The following DTL variants were observed in gnomAD, a reference collection of about 807,000 sequenced individuals.
DTL encodes denticleless E3 ubiquitin protein ligase adapter, also known as denticleless protein homolog.
A neutral mutation model predicts 87.0 loss-of-function variants in DTL; 46 were observed. The observed-to-expected ratio is 0.53, with a 90% CI of 0.42 to 0.68. The LOEUF is 0.68. Ranked by LOEUF, DTL falls within the 30% of genes least tolerant of loss-of-function variation. The pLI, the probability that DTL is intolerant of heterozygous loss-of-function variation, is 0.00. For synonymous variants in DTL, 308 were observed against 311.2 expected (o/e 0.99, Z 0.11); for missense variants, 737 against 869.4 (o/e 0.85, Z 1.91).
intron 3 of DTL, among the ~76,000 whole-genome samples, chr1:212,045,589 AAC>A (rs1218181072): frequency 3.3e-5 from 5 of 152,360 alleles, no homozygotes; most frequent in East Asian, 3.9e-4. Context: ...GTAGAAAGAA[AAC>A]ACACTGGTGT....
intron 5 of DTL, among the ~76,000 whole-genome samples, chr1:212,057,277 C>A (rs2102542291): frequency 6.6e-6 from 1 of 151,602 alleles, no homozygotes; most frequent in Non-Finnish European, 1.5e-5. Context: ...ATAAAAGAAA[C>A]CCCATCAGAC....
chr1:212,099,134 A>C (rs1416108622), intron 13 of DTL, among the ~76,000 whole-genome samples: 1 of 152,142 alleles, frequency 6.6e-6, no homozygotes, highest in Non-Finnish European at 1.5e-5. Context: ...TTGGCTCTCT[A>C]AATTCATTTC....
chr1:212,078,217 T>C lies in DTL; in HGVS notation c.1080T>C (p.Ser360=), dbSNP rs776120052. The C allele has an allele frequency of 2.5e-6, 4 of 1,612,906 alleles. No homozygotes were observed. The highest frequency in any genetic ancestry group is 4.5e-5 in the East Asian group (2 of 44,878). ...CTCCTACTGTGCTCCTGGGTCATTC[T>C]CAAGAGGTCACGTCTGTGTGCTGGT... ...WQPPTVLLGH[S]QEVTSVCWCP... The change falls in exon 12 of 15, where the codon TCT becomes TCC. Residue 360 remains serine (S), a synonymous_variant. Transcript: ENST00000366991.
intron 5 of DTL, among the ~76,000 whole-genome samples, chr1:212,048,888 G>T (rs1477431063): frequency 7.0e-6 from 1 of 143,462 alleles, no homozygotes; most frequent in Non-Finnish European, 1.5e-5. Flanking sequence ...AGGTTAAGCT[G>T]GTTTGGACTG....
intron 13 of DTL, among the ~76,000 whole-genome samples, chr1:212,087,781 A>T (rs1050867400): frequency 1.3e-5 from 2 of 152,108 alleles, no homozygotes; most frequent in Non-Finnish European, 2.9e-5. Context: ...CTTGAAAATC[A>T]TGTTCCCCTG....
chr1:212,089,985 G>A (rs998745911), intron 13 of DTL, among the ~76,000 whole-genome samples: 1 of 152,178 alleles, frequency 6.6e-6, no homozygotes, highest in Non-Finnish European at 1.5e-5. Context: ...CAGCTGTGCA[G>A]TGACTATTAA....
chr1:212,098,905 A>G lies in DTL; in HGVS notation c.1262-1347A>G, dbSNP rs367934974. ...TTCTGTGCTCATATCTGCACTTCCTATTTGTCCCATCCCCCTGCAGATTCT... is the reference window on the plus strand; with the variant it reads ...TTCTGTGCTCATATCTGCACTTCCTGTTTGTCCCATCCCCCTGCAGATTCT... On this transcript the variant is annotated intron_variant, in intron 13 of 14. Transcript: ENST00000366991. Among the ~76,000 whole-genome samples, 52 of 151,844 alleles carry G rather than the reference A, an allele frequency of 3.4e-4. 1 individual carries two copies. Among genetic ancestry groups the G allele is most frequent in the East Asian group, 1.2e-3 (6 of 5,156 alleles).
chr1:212,074,150 A>G (rs1274428904), intron 11 of DTL, among the ~76,000 whole-genome samples: 1 of 151,766 alleles, frequency 6.6e-6, no homozygotes, highest in Non-Finnish European at 1.5e-5. Flanking sequence ...AGTTTTAATT[A>G]TATGTACATA....
Position 212,103,097 on chromosome 1 carries a change from T to C in DTL, c.*157T>C, listed in dbSNP as rs1655672155. The C allele has an allele frequency of 2.0e-6, 1 of 504,990 alleles. No individual in the cohort carries two copies. The highest frequency in any genetic ancestry group is 2.0e-5 in the African/African-American group (1 of 50,410). 31.3% of individuals were successfully genotyped at this position (504,990 alleles called of 1,614,324 possible). ...AGACAAAATCTTTTCAACGCTGAAA[T>C]GTACCTAATCTGGTTCTACTACCAT... On this transcript the variant is annotated 3_prime_UTR_variant, in exon 15 of 15. Coordinates refer to ENST00000366991, the MANE Select transcript of DTL (RefSeq NM_016448.4).
chr1:212,080,875 C>A, intron 13 of DTL, 125 bp downstream of exon 13: 1 of 1,013,034 alleles, frequency 9.9e-7, no homozygotes, highest in Non-Finnish European at 1.4e-6. Context: ...ATCTTCTTGC[C>A]ATTCATTCTT....
chr1:212,052,090 C>A, intron 5 of DTL: 1 of 768,808 alleles, frequency 1.3e-6, no homozygotes, highest in East Asian at 2.6e-5. Context: ...TTTTTCCTTT[C>A]ATTGCTAAAG....
chr1:212,043,776 G>A (rs1228846355), intron 2 of DTL, among the ~76,000 whole-genome samples: 2 of 148,400 alleles, frequency 1.3e-5, no homozygotes, highest in African/African-American at 2.5e-5. Context: ...GTTGCAGTGA[G>A]CCAAGATCGT....
chr1:212,051,646 C>T (rs1266688341), intron 5 of DTL: 12 of 825,462 alleles, frequency 1.5e-5, no homozygotes, highest in Non-Finnish European at 2.4e-5. Flanking sequence ...GTACCTTTCT[C>T]TTTGGCTTCT....
Position 212,078,256 on chromosome 1 carries a change from C to A in DTL, c.1119C>A (p.Phe373Leu). ...VTSVCWCPSD[F>L]TKIATCSDDN... ...CTGTGTGCTGGTGTCCATCTGACTTCACAAAGGTTTGTAAATGAATCTCTA... is the reference window on the plus strand; with the variant it reads ...CTGTGTGCTGGTGTCCATCTGACTTAACAAAGGTTTGTAAATGAATCTCTA... The change falls in exon 12 of 15, where the codon TTC (phenylalanine) becomes TTA (leucine). Residue 373 changes from phenylalanine to leucine, a missense_variant. Transcript: ENST00000366991. 6.3e-7 allele frequency: 1 copy of A among 1,596,416 alleles called. No homozygotes were observed. The highest frequency in any genetic ancestry group is 8.6e-7 in the Non-Finnish European group (1 of 1,164,618).
At chr1:212,040,585 A>C (rs934423694) in intron 1 of DTL, among the ~76,000 whole-genome samples, 2 of 152,234 alleles carry the variant, frequency 1.3e-5, no homozygotes, top group African/African-American at 4.8e-5. Flanking sequence ...GAGATGATAT[A>C]ATACCTACAA....
intron 1 of DTL, among the ~76,000 whole-genome samples, chr1:212,041,559 G>A (rs1667644083): frequency 1.3e-5 from 2 of 151,988 alleles, no homozygotes; most frequent in African/African-American, 4.8e-5. Flanking sequence ...AGGCTGGAGT[G>A]CAGTGGCGAG....
At chr1:212,040,512 A>G (rs895297684) in intron 1 of DTL, among the ~76,000 whole-genome samples, 2 of 152,274 alleles carry the variant, frequency 1.3e-5, no homozygotes, top group Admixed American at 6.5e-5. Flanking sequence ...AATAAAAGTT[A>G]TGTGAAGGTG....
In DTL at chr1:212,066,150, A is replaced by AT. The variant is rs887985776; in HGVS notation, c.640-653dup. Reference sequence around the variant, plus strand: ...TTGCCCTTTTTCTCACTTTAATGTAATTTTTTTTTCATATTCCTGGTGTGT... The same window carrying AT: ...TTGCCCTTTTTCTCACTTTAATGTAATTTTTTTTTTCATATTCCTGGTGTGT... On this transcript the variant is annotated intron_variant, in intron 7 of 14. Transcript: ENST00000366991. Among the ~76,000 whole-genome samples, 50 of 151,558 alleles carry AT rather than the reference A, an allele frequency of 3.3e-4. 2 individuals are homozygous for AT. In the East Asian group the frequency reaches 4.3e-3, roughly 13 times the overall value.
In DTL at chr1:212,050,339, A is replaced by G. The variant is rs529597926; in HGVS notation, c.460+2922A>G. ...CAAATAATCCTAACTGGACATAGTC[A>G]CACTAATGGAATTTGCCTTCCCTAA... is the stretch of plus-strand genomic sequence containing the variant. On this transcript the variant is annotated intron_variant, in intron 5 of 14. Coordinates refer to ENST00000366991, the MANE Select transcript of DTL (RefSeq NM_016448.4). 3.3e-5 allele frequency among the ~76,000 whole-genome samples: 5 copies of G among 152,324 alleles called. No homozygotes were observed. The East Asian group carries it at 9.6e-4, about 29-fold the overall frequency.
Sources: gnomAD v4.1 joint callset for allele counts (sites outside exome capture counted in the v4.1 genomes callset) on GRCh38, gnomAD v4.1.1 for gene constraint, MANE v1.5 for transcripts, NCBI Gene and HGNC (gene_info 2026-07-23, HGNC 2026-07-21) for gene names.